Variants in MAP3K14 observed in about 807,000 individuals in gnomAD.
The protein encoded by MAP3K14 is mitogen-activated protein kinase kinase kinase 14.
In MAP3K14, 16 loss-of-function variants were observed where a neutral mutation model predicts 99.2. The ratio of observed to expected loss-of-function variants is 0.16; its 90% CI spans 0.11 to 0.24. The LOEUF is 0.24. MAP3K14 is among the 10% of genes least tolerant of loss of function. MAP3K14 has a pLI of 1.00. For synonymous variants in MAP3K14, 462 were observed against 492.4 expected (o/e 0.94, Z 0.82); for missense variants, 784 against 1,208.7 (o/e 0.65, Z 5.21).
chr17:45,314,456 A>G (rs116772565), intron 1 of MAP3K14, among the ~76,000 whole-genome samples: 5,290 of 152,240 alleles, frequency 0.035, 328 homozygotes, highest in African/African-American at 0.12. Flanking sequence ...TCCCCGGCCC[A>G]CCAATTTCAC....
At chr17:45,289,181 G>T (rs7210529) in intron 3 of MAP3K14, 55 bp downstream of exon 3, 46,394 of 1,527,416 alleles carry the variant, frequency 0.03, 1,827 homozygotes, top group African/African-American at 0.19. Context: ...TGCTGGGGAC[G>T]AGGGCGCTGG....
chr17:45,290,427 C>T, intron 2 of MAP3K14, 63 bp downstream of exon 2: 1 of 1,595,474 alleles, frequency 6.3e-7, no homozygotes, highest in Non-Finnish European at 8.6e-7. Flanking sequence ...AACCCCTGGG[C>T]CCAGCTACCC....
chr17:45,288,158 G>A (rs1470803252), intron 3 of MAP3K14, among the ~76,000 whole-genome samples: 1 of 152,182 alleles, frequency 6.6e-6, no homozygotes, highest in Non-Finnish European at 1.5e-5. Flanking sequence ...AGGCCTACAG[G>A]CTTCTCTTGG....
chr17:45,300,117 A>G (rs1383424825), intron 1 of MAP3K14, among the ~76,000 whole-genome samples: 4 of 152,208 alleles, frequency 2.6e-5, no homozygotes, highest in Admixed American at 2.0e-4. Flanking sequence ...CTTGCTGCCA[A>G]TCCCACAGGT....
At position 45,264,516 on chromosome 17, in the gene MAP3K14, AC is replaced by A. The variant is rs1032904651; in HGVS notation, c.*119del. On this transcript the variant is annotated 3_prime_UTR_variant, in exon 16 of 16. Coordinates refer to ENST00000344686, the MANE Select transcript of MAP3K14 (RefSeq NM_003954.5). ...CTTGCTGCTGCGAGGCCCTGGTCCC[AC>A]TGCTGAGCCGGGGGCTGGCAGATCC... The A allele has an allele frequency of 4.3e-5, 55 of 1,290,130 alleles. No homozygotes were observed. In the African/African-American group the frequency reaches 6.0e-4, roughly 14 times the overall value. 79.9% of individuals were successfully genotyped at this position (1,290,130 alleles called of 1,614,324 possible).
intron 6 of MAP3K14, among the ~76,000 whole-genome samples, chr17:45,276,372 G>A (rs1357177387): frequency 6.6e-6 from 1 of 152,178 alleles, no homozygotes; most frequent in East Asian, 1.9e-4. Context: ...CAGCAGGGAC[G>A]GTGGTATCTG....
intron 1 of MAP3K14, among the ~76,000 whole-genome samples, chr17:45,296,943 T>C (rs1053932550): frequency 6.6e-6 from 1 of 152,218 alleles, no homozygotes; most frequent in African/African-American, 2.4e-5. Flanking sequence ...GGGAATGTAA[T>C]AGCCACTACC....
chr17:45,305,864 T>C (rs1280778977), intron 1 of MAP3K14, among the ~76,000 whole-genome samples: 1 of 152,154 alleles, frequency 6.6e-6, no homozygotes, highest in African/African-American at 2.4e-5. Context: ...CAAGAACCCA[T>C]GAAGATGTTC....
At chr17:45,309,270 C>A (rs1395685717) in intron 1 of MAP3K14, among the ~76,000 whole-genome samples, 1 of 152,230 alleles carries the variant, frequency 6.6e-6, no homozygotes, top group Admixed American at 6.5e-5. Flanking sequence ...CAAGGTGTTC[C>A]CACCCAGGCA....
At chr17:45,273,652 C>G (rs377765871) in intron 8 of MAP3K14, 45 bp from the exon 9 acceptor site, 13 of 1,483,192 alleles carry the variant, frequency 8.8e-6, no homozygotes, top group Non-Finnish European at 1.2e-5. Context: ...TGAGTCATGC[C>G]GGGTCCCAGC....
At chr17:45,293,733 C>T (rs1265844459) in intron 1 of MAP3K14, among the ~76,000 whole-genome samples, 8 of 152,188 alleles carry the variant, frequency 5.3e-5, no homozygotes, top group Admixed American at 5.2e-4. Context: ...AGACCCTCAC[C>T]GACAGCCTCC....
intron 1 of MAP3K14, among the ~76,000 whole-genome samples, chr17:45,312,547 CT>C (rs1009520549): frequency 4.0e-5 from 6 of 151,654 alleles, no homozygotes; most frequent in South Asian, 2.1e-4. Flanking sequence ...TAACATGAAA[CT>C]TTTTTTTTCC....
intron 13 of MAP3K14, 91 bp from the exon 14 acceptor site, chr17:45,266,772 T>C: frequency 1.4e-6 from 2 of 1,385,040 alleles, no homozygotes; most frequent in Non-Finnish European, 2.0e-6. Context: ...GGGGCACTGC[T>C]CATGCCCTCA....
At chr17:45,277,401 G>T (rs2044189146) in intron 6 of MAP3K14, among the ~76,000 whole-genome samples, 1 of 152,160 alleles carries the variant, frequency 6.6e-6, no homozygotes, top group African/African-American at 2.4e-5. Flanking sequence ...AACAGAACCA[G>T]CTTGGAAGCG....
intron 6 of MAP3K14, among the ~76,000 whole-genome samples, chr17:45,283,218 T>A (rs2044237829): frequency 6.6e-6 from 1 of 151,988 alleles, no homozygotes; most frequent in Non-Finnish European, 1.5e-5. Flanking sequence ...ACTCTCACAC[T>A]CTCCTCCCAC....
Position 45,267,249 on chromosome 17 carries a change from G to T in MAP3K14, c.2327-51C>A. The stretch of plus-strand genomic sequence containing the variant: ...GTGAAAGACTGGGAGGAGGCTGGCT[G>T]TGTTTTCAGGGGTTCTTCCTGCACA... On this transcript the variant is annotated intron_variant, in intron 12 of 15. Transcript: ENST00000344686. The surrounding 1 kb of genome is among the most constrained non-coding windows in gnomAD (Gnocchi z 5.1). 7.0e-7 allele frequency: 1 copy of T among 1,427,876 alleles called. No individual in the cohort carries two copies. The highest frequency in any genetic ancestry group is 9.7e-7 in the Non-Finnish European group (1 of 1,033,156). 88.5% of individuals were successfully genotyped at this position (1,427,876 alleles called of 1,614,324 possible).
chr17:45,304,846 T>C (rs554101559), intron 1 of MAP3K14, among the ~76,000 whole-genome samples: 19 of 152,170 alleles, frequency 1.2e-4, no homozygotes, highest in Non-Finnish European at 2.4e-4. Flanking sequence ...TGTGTGACCA[T>C]GGGCAGGTCA....
chr17:45,315,760 C>T (rs975998966), intron 1 of MAP3K14, among the ~76,000 whole-genome samples: 2 of 152,138 alleles, frequency 1.3e-5, no homozygotes, highest in South Asian at 4.1e-4. Flanking sequence ...ATACCACCCC[C>T]ACTCCCTCAT....
At position 45,274,412 on chromosome 17, in the gene MAP3K14, G is replaced by C. The variant is rs553597591; in HGVS notation, c.1420+52C>G. 2.3e-5 allele frequency: 37 copies of C among 1,607,992 alleles called. No homozygotes were observed. The East Asian group carries it at 7.6e-4, about 33-fold the overall frequency. ...CAAGGCCAACTTGGGCAAGACTCAG[G>C]GGGGAACTCTTGGCCCTGAATTTGG... is the stretch of plus-strand genomic sequence containing the variant. On this transcript the variant is annotated intron_variant, in intron 7 of 15. Transcript: ENST00000344686.
Sources: gnomAD v4.1 joint callset for allele counts (sites outside exome capture counted in the v4.1 genomes callset) on GRCh38, gnomAD v4.1.1 for gene constraint, Gnocchi (gnomAD v3.1) non-coding constraint, MANE v1.5 for transcripts, NCBI Gene and HGNC (gene_info 2026-07-23, HGNC 2026-07-21) for gene names.